MAP3K2: variants seen among roughly 807,000 people sequenced by gnomAD.
The protein encoded by MAP3K2 is MAP/ERK kinase kinase 2.
Under a neutral mutation model 80.3 loss-of-function variants are expected in MAP3K2, and 24 were observed. The observed-to-expected ratio is 0.30, with a 90% CI of 0.22 to 0.42. The LOEUF (loss-of-function observed/expected upper bound fraction) is 0.42, where lower values mean the gene tolerates loss of function less well. Ranked by LOEUF, MAP3K2 falls within the 10% of genes least tolerant of loss-of-function variation. MAP3K2 has a pLI of 1.00. For synonymous variants in MAP3K2, 244 were observed against 253.7 expected (o/e 0.96, Z 0.36); for missense variants, 608 against 750.1 (o/e 0.81, Z 2.21).
intron 1 of MAP3K2, among the ~76,000 whole-genome samples, chr2:127,383,585 G>C (rs1034448481): frequency 6.6e-6 from 1 of 152,146 alleles, no homozygotes; most frequent in African/African-American, 2.4e-5. Context: ...GGCATCCTTA[G>C]GTTTTTCTAA....
At chr2:127,323,835 T>C (rs1335771367) in intron 11 of MAP3K2, 67 bp downstream of exon 11, 10 of 722,378 alleles carry the variant, frequency 1.4e-5, no homozygotes, top group Non-Finnish European at 4.3e-6. Context: ...TTTTAAAAAA[T>C]TTTTGTATTT....
In MAP3K2 at chr2:127,387,466, G is replaced by T; in HGVS notation, c.-80C>A. ...CACGCACGTACCGGCTGCTCCGCAG[G>T]GACGTAGAGAGCCGCAGGCCCAAGG... On this transcript the variant is annotated 5_prime_UTR_variant, in exon 1 of 17. Coordinates refer to ENST00000682094, the MANE Select transcript of MAP3K2 (RefSeq NM_001371910.2). 5.1e-6 allele frequency: 5 copies of T among 984,938 alleles called. No homozygotes were observed. Among genetic ancestry groups the T allele is most frequent in the Non-Finnish European group, 4.8e-6 (4 of 830,364 alleles). 61.0% of individuals were successfully genotyped at this position (984,938 alleles called of 1,614,324 possible). A position where few individuals can be genotyped will look rare whatever the true frequency, so the allele number is the denominator to read the frequency against.
chr2:127,343,255 G>GA (rs962483218), intron 1 of MAP3K2, 61 bp from the exon 2 acceptor site: 2,761 of 584,356 alleles, frequency 4.7e-3, no homozygotes, highest in South Asian at 8.7e-3. Flanking sequence ...GCCAGGAAAA[G>GA]AAAAAAAAAA....
At chr2:127,343,272 T>C in intron 1 of MAP3K2, 78 bp from the exon 2 acceptor site, 1 of 620,860 alleles carries the variant, frequency 1.6e-6, no homozygotes, top group Non-Finnish European at 2.8e-6. Flanking sequence ...AAAAGTCAGT[T>C]TAAATAATAC....
chr2:127,366,774 C>T (rs1363359764), intron 1 of MAP3K2, among the ~76,000 whole-genome samples: 1 of 151,250 alleles, frequency 6.6e-6, no homozygotes, highest in African/African-American at 2.4e-5. Flanking sequence ...GTTCTCCACT[C>T]ATAACATGAG....
chr2:127,336,053 T>C (rs759167606), intron 4 of MAP3K2, 84 bp from the exon 5 acceptor site: 11 of 721,878 alleles, frequency 1.5e-5, no homozygotes, highest in Non-Finnish European at 2.6e-5. Context: ...TTTAGAGTGA[T>C]ACAAGATTAA....
intron 1 of MAP3K2, among the ~76,000 whole-genome samples, chr2:127,352,202 T>C (rs946365022): frequency 1.3e-5 from 2 of 152,044 alleles, no homozygotes; most frequent in Non-Finnish European, 2.9e-5. Context: ...GGTGTTATAT[T>C]CTACTACAGT....
At chr2:127,317,558 TTTG>T (rs1335376655) in intron 14 of MAP3K2, 68 bp downstream of exon 14, 4 of 1,308,566 alleles carry the variant, frequency 3.1e-6, no homozygotes, top group African/African-American at 3.0e-5. Context: ...AATCTACGTT[TTTG>T]TTGTTTTTCT....
At position 127,348,205 on chromosome 2, in the gene MAP3K2, T is replaced by C. The variant is rs192821051; in HGVS notation, c.-65-5011A>G. Among the ~76,000 whole-genome samples, 533 of 152,156 alleles carry C rather than the reference T, an allele frequency of 3.5e-3. 4 individuals carry two copies. The highest frequency in any genetic ancestry group is 6.6e-3 in the Non-Finnish European group (448 of 68,016). ...GAGTTTGAGACCAGTCTGTCCAATG[T>C]GATGAAACCCTATCTCTACTAAAAA... On this transcript the variant is annotated intron_variant, in intron 1 of 16. Coordinates refer to ENST00000682094, the MANE Select transcript of MAP3K2 (RefSeq NM_001371910.2).
In MAP3K2 at chr2:127,302,571, G is replaced by A. The variant is rs1246946101; in HGVS notation, c.*5008C>T. On this transcript the variant is annotated 3_prime_UTR_variant, in exon 17 of 17. Coordinates refer to ENST00000682094, the MANE Select transcript of MAP3K2 (RefSeq NM_001371910.2). The stretch of plus-strand genomic sequence containing the variant: ...AGCTGAGAATTAAGGACTAGAATCT[G>A]CTATCCCTGGATTTCCTACTCACTG... The A allele has an allele frequency of 6.6e-6, 1 of 152,048 alleles. No homozygotes were observed. Among genetic ancestry groups the A allele is most frequent in the Non-Finnish European group, 1.5e-5 (1 of 68,008 alleles). 9.4% of individuals were successfully genotyped at this position (152,048 alleles called of 1,614,324 possible). A position where few individuals can be genotyped will look rare whatever the true frequency, so the allele number is the denominator to read the frequency against.
intron 1 of MAP3K2, among the ~76,000 whole-genome samples, chr2:127,383,911 T>C (rs1292388438): frequency 6.7e-6 from 1 of 149,394 alleles, no homozygotes; most frequent in Non-Finnish European, 1.5e-5. Flanking sequence ...TCTCGCTCTG[T>C]CACCCAGACT....
Position 127,308,748 on chromosome 2 carries a change from G to A in MAP3K2, c.1471C>T (p.Arg491Ter). 6.2e-7 allele frequency: 1 copy of A among 1,613,196 alleles called. No individual in the cohort carries two copies. ...AGTTTGACGTTGCCTGTTGAATCTC[G>A]CAGGATATTTGCGCCTAAAAATAAG... ...HRDIKGANIL[R>*]DSTGNVKLGD... Residue 491 changes from arginine (R) to a stop codon, truncating the protein, a stop_gained, in exon 16 of 17, where the codon CGA becomes TGA. Transcript: ENST00000682094. LOFTEE classifies it high-confidence loss of function.
chr2:127,335,903 T>C lies in MAP3K2; in HGVS notation c.231A>G (p.Gly77=). ...TGGTATAATGTAGATCCATAGACTG[T>C]CCAAAGGCAATTTTAGCTTTAGATC... ...DLRSKAKIAF[G]QSMDLHYTNN... is the part of the protein sequence containing the mutation. Residue 77 remains glycine, a synonymous_variant, in exon 5 of 17, where the codon GGA becomes GGG. Transcript: ENST00000682094. The C allele has an allele frequency of 6.4e-7, 1 of 1,574,306 alleles. No homozygotes were observed. The highest frequency in any genetic ancestry group is 8.6e-7 in the Non-Finnish European group (1 of 1,156,808).
intron 1 of MAP3K2, among the ~76,000 whole-genome samples, chr2:127,368,992 G>A (rs1459135704): frequency 6.6e-6 from 1 of 151,902 alleles, no homozygotes; most frequent in Non-Finnish European, 1.5e-5. Flanking sequence ...CTGTTGCCCA[G>A]GTTGGAGTGC....
At chr2:127,380,570 T>C (rs1370126584) in intron 1 of MAP3K2, among the ~76,000 whole-genome samples, 1 of 152,050 alleles carries the variant, frequency 6.6e-6, no homozygotes, top group African/African-American at 2.4e-5. Context: ...TCTAACCCTA[T>C]CCTCCTATTA....
chr2:127,312,129 A>G (rs922570507), intron 15 of MAP3K2, among the ~76,000 whole-genome samples: 9 of 152,248 alleles, frequency 5.9e-5, no homozygotes, highest in South Asian at 2.1e-4. Flanking sequence ...TATTTAAGTG[A>G]TATCAGCAGC....
At chr2:127,388,061 G>C (rs564619007), upstream of MAP3K2, 2,671 of 983,628 alleles carry the variant, frequency 2.7e-3, 59 homozygotes, top group African/African-American at 0.044. Context: ...CGCCGCGGGC[G>C]CGCGCCCGGC....
At chr2:127,315,809 G>C (rs1329469881) in intron 14 of MAP3K2, among the ~76,000 whole-genome samples, 1 of 151,832 alleles carries the variant, frequency 6.6e-6, no homozygotes, top group Non-Finnish European at 1.5e-5. Flanking sequence ...CATCGGCTGG[G>C]CGTGGTGGCT....
intron 1 of MAP3K2, among the ~76,000 whole-genome samples, chr2:127,362,871 C>T (rs1558987884): frequency 6.6e-6 from 1 of 152,200 alleles, no homozygotes; most frequent in East Asian, 1.9e-4. Context: ...AGAATTTGAG[C>T]CCAATCCTGG....
Sources: gnomAD v4.1 joint callset for allele counts (sites outside exome capture counted in the v4.1 genomes callset) on GRCh38, gnomAD v4.1.1 for gene constraint, MANE v1.5 for transcripts, NCBI Gene and HGNC (gene_info 2026-07-23, HGNC 2026-07-21) for gene names.